Variants in FAT4 observed in about 807,000 individuals in gnomAD.
The protein encoded by FAT4 is protocadherin Fat 4.
FAT4 carries 84 observed loss-of-function variants against 303.9 expected under a neutral mutation model. That is an observed-to-expected ratio of 0.28 (90% CI 0.23 to 0.33). The LOEUF is 0.33. FAT4 is among the 10% of genes least tolerant of loss of function. The pLI is 1.00. For synonymous variants in FAT4, 2,307 were observed against 2,298.8 expected (o/e 1.00, Z -0.10); for missense variants, 6,005 against 6,146.8 (o/e 0.98, Z 0.77).
intron 7 of FAT4, among the ~76,000 whole-genome samples, chr4:125,431,841 A>G (rs997513735): frequency 4.4e-5 from 6 of 136,924 alleles, no homozygotes; most frequent in African/African-American, 1.6e-4. Flanking sequence ...AAATGCACAC[A>G]TATTCCCTAG....
At chr4:125,332,983 TACTC>T (rs929923276) in intron 2 of FAT4, among the ~76,000 whole-genome samples, 94 of 152,208 alleles carry the variant, frequency 6.2e-4, no homozygotes, top group African/African-American at 2.2e-3. Flanking sequence ...TTAAAATACT[TACTC>T]TTATTTTTAT....
At chr4:125,440,610 T>TGAGAGAGAGAGAGAGAGAGA (rs1553925990) in intron 8 of FAT4, among the ~76,000 whole-genome samples, 7 of 75,748 alleles carry the variant, frequency 9.2e-5, no homozygotes, top group South Asian at 7.0e-4. Context: ...TGTGTGTGTG[T>TGAGAGAGAGAGAGAGAGAGA]GAGAGAGAGA....
At chr4:125,444,150 GTTTC>G (rs2126052860) in intron 8 of FAT4, among the ~76,000 whole-genome samples, 1 of 152,156 alleles carries the variant, frequency 6.6e-6, no homozygotes, top group South Asian at 2.1e-4. Flanking sequence ...TATACCATAG[GTTTC>G]TTTGTCTGTT....
At chr4:125,464,524 TA>T (rs777425289) in intron 11 of FAT4, among the ~76,000 whole-genome samples, 14 of 152,150 alleles carry the variant, frequency 9.2e-5, no homozygotes, top group Non-Finnish European at 1.3e-4. Context: ...TCTATTTATT[TA>T]TTTTTTTATT....
chr4:125,415,897 G>C (rs1484980479), intron 6 of FAT4, 91 bp downstream of exon 6: 2 of 959,856 alleles, frequency 2.1e-6, no homozygotes, highest in South Asian at 1.8e-5. Context: ...CGCTTCCCCT[G>C]TTCTCTCCTC....
chr4:125,393,507 T>G (rs1734049269), intron 2 of FAT4, among the ~76,000 whole-genome samples: 1 of 152,174 alleles, frequency 6.6e-6, no homozygotes, highest in African/African-American at 2.4e-5. Context: ...AGTTATGTAG[T>G]TGTATGCTGA....
intron 2 of FAT4, among the ~76,000 whole-genome samples, chr4:125,370,951 GC>G (rs1436366848): frequency 2.0e-5 from 3 of 151,974 alleles, no homozygotes; most frequent in African/African-American, 7.2e-5. Context: ...TTCGAAACCA[GC>G]CTGGCCAACG....
At chr4:125,479,305 T>C (rs188672176) in intron 14 of FAT4, among the ~76,000 whole-genome samples, 177 of 152,286 alleles carry the variant, frequency 1.2e-3, no homozygotes, top group Admixed American at 2.9e-3. Flanking sequence ...AGTACACGGT[T>C]ATTTTTTCAT....
At chr4:125,420,851 T>C (rs562967876) in intron 7 of FAT4, among the ~76,000 whole-genome samples, 3 of 152,242 alleles carry the variant, frequency 2.0e-5, no homozygotes, top group Non-Finnish European at 4.4e-5. Context: ...TGCTTTACTA[T>C]CCACCTTTTC....
intron 15 of FAT4, among the ~76,000 whole-genome samples, chr4:125,480,508 T>C (rs1006579598): frequency 6.6e-6 from 1 of 152,202 alleles, no homozygotes; most frequent in Admixed American, 6.5e-5. Context: ...GTTCCTCTTT[T>C]GTAAAAATTC....
At chr4:125,366,116 G>C (rs1451800574) in intron 2 of FAT4, among the ~76,000 whole-genome samples, 2 of 152,100 alleles carry the variant, frequency 1.3e-5, no homozygotes, top group African/African-American at 4.8e-5. Flanking sequence ...ACTGGTCCCT[G>C]GTGCCAAAAA....
intron 16 of FAT4, among the ~76,000 whole-genome samples, chr4:125,485,689 A>G (rs993555989): frequency 2.0e-5 from 3 of 152,212 alleles, no homozygotes; most frequent in African/African-American, 4.8e-5. Flanking sequence ...TAAAATAATG[A>G]TTAAAAAAAC....
rs553221167 is a variant in FAT4 at position 125,408,030 on chromosome 4, A to T, written c.5570-414A>T. Among the ~76,000 whole-genome samples, 14 of 152,260 alleles carry T rather than the reference A, an allele frequency of 9.2e-5. 1 individual carries two copies. In the South Asian group the frequency reaches 2.9e-3, roughly 32 times the overall value. ...ACTTATTTCTTGACTTAGTTATTGC[A>T]ATGACCACATAAGTTCTAGAGTAGT... On this transcript the variant is annotated intron_variant, in intron 4 of 17. Transcript: ENST00000394329.
intron 2 of FAT4, among the ~76,000 whole-genome samples, chr4:125,372,083 A>C (rs1274042540): frequency 6.6e-6 from 1 of 152,152 alleles, no homozygotes; most frequent in Non-Finnish European, 1.5e-5. Context: ...ATAGTGGCTC[A>C]TACCTGTAAT....
intron 2 of FAT4, among the ~76,000 whole-genome samples, chr4:125,353,961 C>A (rs1467635410): frequency 6.6e-6 from 1 of 151,632 alleles, no homozygotes; most frequent in African/African-American, 2.4e-5. Context: ...GTGTTTTAAT[C>A]GCATGAGTAG....
chr4:125,458,773 C>A (rs184186800), intron 10 of FAT4, among the ~76,000 whole-genome samples: 1 of 151,964 alleles, frequency 6.6e-6, no homozygotes, highest in Non-Finnish European at 1.5e-5. Context: ...TTTTACAAGA[C>A]AAAGGTAAAA....
At chr4:125,366,747 G>T (rs1185713112) in intron 2 of FAT4, among the ~76,000 whole-genome samples, 1 of 151,982 alleles carries the variant, frequency 6.6e-6, no homozygotes, top group Non-Finnish European at 1.5e-5. Flanking sequence ...TTCTCTGAAA[G>T]CTTGCCAGCA....
At chr4:125,368,855 G>A (rs1023887553) in intron 2 of FAT4, among the ~76,000 whole-genome samples, 21 of 151,974 alleles carry the variant, frequency 1.4e-4, no homozygotes, top group Admixed American at 8.5e-4. Flanking sequence ...CCATGCTTTC[G>A]TGGCCTCAGA....
chr4:125,328,232 T>A (rs1348343514), intron 2 of FAT4, among the ~76,000 whole-genome samples: 1 of 152,188 alleles, frequency 6.6e-6, no homozygotes, highest in Non-Finnish European at 1.5e-5. Flanking sequence ...TGCAGACAGG[T>A]GAAAATATTC....
Sources: gnomAD v4.1 joint callset for allele counts (sites outside exome capture counted in the v4.1 genomes callset) on GRCh38, gnomAD v4.1.1 for gene constraint, MANE v1.5 for transcripts, NCBI Gene and HGNC (gene_info 2026-07-23, HGNC 2026-07-21) for gene names.